The following CCDC102B variants were observed in gnomAD, a reference collection of about 807,000 sequenced individuals.
CCDC102B encodes the protein coiled-coil domain-containing protein 102B.
A neutral mutation model predicts 57.4 loss-of-function variants in CCDC102B; 75 were observed. The ratio of observed to expected loss-of-function variants is 1.31; its 90% confidence interval spans 1.08 to 1.58. CCDC102B has a LOEUF of 1.58. CCDC102B is among the 40% of genes most tolerant of loss of function. The pLI is 0.00. For missense variants in CCDC102B, 636 were observed against 582.6 expected (o/e 1.09, Z -0.94); for synonymous variants, 206 against 201.9 (o/e 1.02, Z -0.17).
Position 69,006,041 on chromosome 18 carries a change from AT to A in CCDC102B, c.1264-4885del, listed in dbSNP as rs551403076. Reference sequence around the variant, plus strand: ...TGAATATATGACATAGTAATTATGTATTTTTTTTACCATTAAAGCATATTAG... The same window carrying A: ...TGAATATATGACATAGTAATTATGTATTTTTTTACCATTAAAGCATATTAG... On this transcript the variant is annotated intron_variant, in intron 6 of 7. Coordinates refer to ENST00000360242, the MANE Select transcript of CCDC102B (RefSeq NM_024781.3). Among the ~76,000 whole-genome samples the A allele has an allele frequency of 3.9e-3, 589 of 151,926 alleles. 1 individual carries two copies. The highest frequency in any genetic ancestry group is 5.5e-3 in the Non-Finnish European group (373 of 67,898).
At chr18:68,941,448 A>C (rs1272693861) in intron 6 of CCDC102B, among the ~76,000 whole-genome samples, 1 of 152,064 alleles carries the variant, frequency 6.6e-6, no homozygotes, top group African/African-American at 2.4e-5. Flanking sequence ...TTTCTGTACT[A>C]TAATCAAGGT....
intron 2 of CCDC102B, among the ~76,000 whole-genome samples, chr18:68,743,660 T>C (rs560968647): frequency 1.1e-4 from 16 of 152,312 alleles, no homozygotes; most frequent in African/African-American, 3.1e-4. Flanking sequence ...TATGGAGTCT[T>C]GTCCTTTCAG....
chr18:68,963,918 G>A (rs547599257), intron 6 of CCDC102B, among the ~76,000 whole-genome samples: 1 of 151,802 alleles, frequency 6.6e-6, no homozygotes, highest in Non-Finnish European at 1.5e-5. Context: ...GAATATGTTT[G>A]TATATAAATG....
chr18:68,946,416 A>G (rs1333751345), intron 6 of CCDC102B, among the ~76,000 whole-genome samples: 2 of 152,064 alleles, frequency 1.3e-5, no homozygotes, highest in South Asian at 2.1e-4. Flanking sequence ...TGAATATTAC[A>G]TACTTAAATA....
chr18:68,716,217 A>G (rs2031976245), intron 1 of CCDC102B, among the ~76,000 whole-genome samples: 1 of 151,540 alleles, frequency 6.6e-6, no homozygotes, highest in Admixed American at 6.6e-5. Context: ...TTATAATAGT[A>G]CCATCGCCTC....
chr18:68,837,424 G>A (rs2037433447), intron 2 of CCDC102B, 55 bp downstream of exon 2: 4 of 1,516,010 alleles, frequency 2.6e-6, no homozygotes. Flanking sequence ...TATAGTGATG[G>A]GGAGGAAGAA....
chr18:68,828,073 T>C (rs2036977673), intron 1 of CCDC102B, among the ~76,000 whole-genome samples: 1 of 151,492 alleles, frequency 6.6e-6, no homozygotes, highest in Admixed American at 6.6e-5. Flanking sequence ...TCCAAACACA[T>C]GAAGCAAAAA....
At chr18:68,898,443 C>T (rs988565952) in intron 6 of CCDC102B, among the ~76,000 whole-genome samples, 8 of 151,830 alleles carry the variant, frequency 5.3e-5, no homozygotes, top group Non-Finnish European at 8.8e-5. Flanking sequence ...TGTTATAGTC[C>T]GTGACCATAA....
At chr18:69,012,320 A>C (rs1049353971) in intron 7 of CCDC102B, among the ~76,000 whole-genome samples, 2 of 152,120 alleles carry the variant, frequency 1.3e-5, no homozygotes, top group Non-Finnish European at 2.9e-5. Context: ...ATTTTTGTCA[A>C]TATCGGCTTT....
At chr18:68,883,244 T>C (rs1217817706) in intron 5 of CCDC102B, among the ~76,000 whole-genome samples, 1 of 151,240 alleles carries the variant, frequency 6.6e-6, no homozygotes, top group African/African-American at 2.4e-5. Flanking sequence ...CAGTGTCTAC[T>C]AAAAAAAATA....
chr18:68,852,931 A>G (rs2038197788), intron 4 of CCDC102B, among the ~76,000 whole-genome samples: 1 of 152,216 alleles, frequency 6.6e-6, no homozygotes, highest in South Asian at 2.1e-4. Context: ...CAGGCCTCTA[A>G]CAGGACTATG....
chr18:68,822,406 A>AC lies in CCDC102B; in HGVS notation c.-15-14343_-15-14342insC, dbSNP rs200390409. Among the ~76,000 whole-genome samples, 64 of 151,972 alleles carry AC rather than the reference A, an allele frequency of 4.2e-4. No individual in the cohort carries two copies. The East Asian group carries it at 0.012, about 28-fold the overall frequency. On this transcript the variant is annotated intron_variant, in intron 1 of 7. Transcript: ENST00000360242. ...GAGACTCCATTTCAAAAAAAGAAAAAAAAAACACCTGAAATTTTGTAGAAA... is the reference window on the plus strand; with the variant it reads ...GAGACTCCATTTCAAAAAAAGAAAAACAAAAACACCTGAAATTTTGTAGAAA...
intron 6 of CCDC102B, among the ~76,000 whole-genome samples, chr18:68,953,684 C>A (rs2049765533): frequency 6.6e-6 from 1 of 151,920 alleles, no homozygotes; most frequent in South Asian, 2.1e-4. Context: ...TGAGAGAACT[C>A]TCATTACATG....
chr18:68,802,768 T>C (rs1362061395), intron 1 of CCDC102B, among the ~76,000 whole-genome samples: 1 of 152,204 alleles, frequency 6.6e-6, no homozygotes, highest in South Asian at 2.1e-4. Context: ...TCGAGAAGCA[T>C]AGATCTTTAT....
chr18:68,752,153 A>C (rs1188294914), intron 2 of CCDC102B, among the ~76,000 whole-genome samples: 1 of 151,942 alleles, frequency 6.6e-6, no homozygotes, highest in African/African-American at 2.4e-5. Flanking sequence ...CCAGCTACTC[A>C]AGAGGCTGAG....
chr18:68,749,292 G>GT (rs1208812349), intron 2 of CCDC102B, among the ~76,000 whole-genome samples: 1 of 151,996 alleles, frequency 6.6e-6, no homozygotes, highest in Non-Finnish European at 1.5e-5. Context: ...CTTTAAAGTC[G>GT]TTTTTTCCAA....
chr18:68,818,841 T>C (rs1407460378), intron 1 of CCDC102B, among the ~76,000 whole-genome samples: 1 of 152,184 alleles, frequency 6.6e-6, no homozygotes, highest in African/African-American at 2.4e-5. Flanking sequence ...TGGTTTCCAT[T>C]GCAGTTTTAA....
At chr18:68,808,020 T>C (rs1241036060) in intron 1 of CCDC102B, among the ~76,000 whole-genome samples, 1 of 152,162 alleles carries the variant, frequency 6.6e-6, no homozygotes, top group Non-Finnish European at 1.5e-5. Flanking sequence ...TTTTTTTTCT[T>C]AAGATTCCAC....
At chr18:68,900,927 G>A (rs749589707) in intron 6 of CCDC102B, among the ~76,000 whole-genome samples, 29 of 152,158 alleles carry the variant, frequency 1.9e-4, no homozygotes, top group South Asian at 1.0e-3. Flanking sequence ...TTCCATGTGG[G>A]TGGGGAAGTA....
Sources: allele counts gnomAD v4.1 joint callset (sites outside exome capture counted in the v4.1 genomes callset), GRCh38; gene constraint gnomAD v4.1.1; transcripts MANE v1.5; gene names NCBI Gene and HGNC (gene_info 2026-07-23, HGNC 2026-07-21).